Variants in ARHGAP42 observed in about 807,000 individuals in gnomAD.
The protein encoded by ARHGAP42 is rho GTPase-activating protein 42.
ARHGAP42 carries 63 observed loss-of-function variants against 125.0 expected under a neutral mutation model. The ratio of observed to expected loss-of-function variants is 0.50; its 90% CI spans 0.41 to 0.62. ARHGAP42 has a LOEUF of 0.62. ARHGAP42 is among the 20% of genes least tolerant of loss of function. The probability of loss-of-function intolerance (pLI) is 0.00; values close to 1 mark genes in which losing one functional copy is unlikely to be tolerated. For synonymous variants in ARHGAP42, 339 were observed against 351.0 expected (o/e 0.97, Z 0.38); for missense variants, 766 against 1,024.2 (o/e 0.75, Z 3.44).
chr11:100,806,860 TA>T (rs986325763), intron 3 of ARHGAP42, among the ~76,000 whole-genome samples: 2 of 151,318 alleles, frequency 1.3e-5, no homozygotes, highest in African/African-American at 4.8e-5. Flanking sequence ...TTTATTTATT[TA>T]TTTTTGGGAC....
intron 2 of ARHGAP42, among the ~76,000 whole-genome samples, chr11:100,784,709 A>G (rs1287188351): frequency 6.6e-6 from 1 of 152,126 alleles, no homozygotes; most frequent in Non-Finnish European, 1.5e-5. Flanking sequence ...AGGTAATTTG[A>G]TGTGTTAAAT....
chr11:100,758,896 A>AT (rs1240300694), intron 1 of ARHGAP42, among the ~76,000 whole-genome samples: 1 of 152,152 alleles, frequency 6.6e-6, no homozygotes, highest in East Asian at 1.9e-4. Context: ...CACTCTTAAT[A>AT]TTTTTTTAAT....
chr11:100,864,396 G>T (rs536460928), intron 4 of ARHGAP42, among the ~76,000 whole-genome samples: 63 of 152,126 alleles, frequency 4.1e-4, no homozygotes, highest in African/African-American at 1.5e-3. Flanking sequence ...TGGCCAGGCT[G>T]GTCTCAAGCT....
intron 2 of ARHGAP42, among the ~76,000 whole-genome samples, chr11:100,772,464 T>G (rs932692869): frequency 6.6e-6 from 1 of 152,168 alleles, no homozygotes; most frequent in Non-Finnish European, 1.5e-5. Context: ...GAGGGTGTAG[T>G]GGCTGGTCTT....
intron 12 of ARHGAP42, among the ~76,000 whole-genome samples, chr11:100,959,644 G>A (rs539959627): frequency 6.6e-6 from 1 of 152,222 alleles, no homozygotes; most frequent in East Asian, 1.9e-4. Flanking sequence ...AAGTGGATGA[G>A]ATCATTGTAA....
chr11:100,930,350 T>G (rs1867541976), intron 6 of ARHGAP42, among the ~76,000 whole-genome samples: 2 of 152,190 alleles, frequency 1.3e-5, no homozygotes, highest in Non-Finnish European at 2.9e-5. Flanking sequence ...TTCAAACCGA[T>G]AAAAACGTTT....
At chr11:100,700,926 C>G (rs931316348) in intron 1 of ARHGAP42, among the ~76,000 whole-genome samples, 12 of 152,154 alleles carry the variant, frequency 7.9e-5, no homozygotes, top group African/African-American at 2.7e-4. Flanking sequence ...TTGCTGAGAT[C>G]CATCAGAGGA....
chr11:100,854,671 C>T (rs1385104995), intron 3 of ARHGAP42, among the ~76,000 whole-genome samples: 5 of 152,068 alleles, frequency 3.3e-5, no homozygotes, highest in Admixed American at 3.3e-4. Context: ...GATTTGCTGA[C>T]CTAGAGAAGA....
chr11:100,756,049 T>TTTAATA (rs1862569345), intron 1 of ARHGAP42, among the ~76,000 whole-genome samples: 2 of 152,022 alleles, frequency 1.3e-5, no homozygotes, highest in South Asian at 4.2e-4. Flanking sequence ...GTTTCACAGT[T>TTTAATA]TTAATATTTT....
intron 11 of ARHGAP42, among the ~76,000 whole-genome samples, chr11:100,948,989 C>T (rs796225505): frequency 9.2e-5 from 14 of 152,178 alleles, no homozygotes; most frequent in African/African-American, 3.1e-4. Context: ...TTTTCACTTC[C>T]ATACATATCC....
At chr11:100,846,009 A>G (rs181489193) in intron 3 of ARHGAP42, among the ~76,000 whole-genome samples, 299 of 152,288 alleles carry the variant, frequency 2.0e-3, no homozygotes, top group African/African-American at 6.8e-3. Context: ...TAGCATGCCT[A>G]TTCTCCCTGC....
At chr11:100,792,371 A>G (rs1307353027) in intron 2 of ARHGAP42, among the ~76,000 whole-genome samples, 2 of 152,218 alleles carry the variant, frequency 1.3e-5, no homozygotes, top group African/African-American at 2.4e-5. Context: ...GTTAGGATTA[A>G]TGAAAACTAG....
intron 5 of ARHGAP42, among the ~76,000 whole-genome samples, chr11:100,920,314 G>T (rs1469292896): frequency 6.6e-6 from 1 of 152,096 alleles, no homozygotes; most frequent in Non-Finnish European, 1.5e-5. Context: ...CAACATGGGG[G>T]TTAGGTGCAC....
At chr11:100,691,450 C>T (rs1275324071) in intron 1 of ARHGAP42, among the ~76,000 whole-genome samples, 1 of 152,038 alleles carries the variant, frequency 6.6e-6, no homozygotes, top group Non-Finnish European at 1.5e-5. Context: ...TAATAATACA[C>T]AGACCCCAAA....
intron 19 of ARHGAP42, 149 bp downstream of exon 19, chr11:100,974,752 C>T: frequency 1.1e-6 from 1 of 946,928 alleles, no homozygotes; most frequent in Non-Finnish European, 1.4e-6. Context: ...TATTCTCTGT[C>T]AATAGTTGTA....
chr11:100,837,472 A>T (rs1004956711), intron 3 of ARHGAP42, among the ~76,000 whole-genome samples: 1 of 152,166 alleles, frequency 6.6e-6, no homozygotes, highest in Middle Eastern at 3.4e-3. Flanking sequence ...GTGTAAGTAT[A>T]AAAGTTTTAT....
chr11:100,906,941 C>G (rs1163069518), intron 4 of ARHGAP42, among the ~76,000 whole-genome samples: 1 of 152,206 alleles, frequency 6.6e-6, no homozygotes, highest in Admixed American at 6.5e-5. Context: ...CCACAGGTAA[C>G]AACTTAATGA....
intron 1 of ARHGAP42, among the ~76,000 whole-genome samples, chr11:100,721,055 T>A (rs1306806677): frequency 6.6e-6 from 1 of 152,108 alleles, no homozygotes; most frequent in Non-Finnish European, 1.5e-5. Context: ...TATTAACATC[T>A]CGCATTAGTG....
intron 4 of ARHGAP42, among the ~76,000 whole-genome samples, chr11:100,901,585 G>A (rs1333536282): frequency 2.0e-5 from 3 of 152,258 alleles, no homozygotes; most frequent in Admixed American, 6.5e-5. Flanking sequence ...CGAGCTTGCC[G>A]GCCACTTTGT....
Sources: gnomAD v4.1 joint callset for allele counts (sites outside exome capture counted in the v4.1 genomes callset) on GRCh38, gnomAD v4.1.1 for gene constraint, MANE v1.5 for transcripts, NCBI Gene and HGNC (gene_info 2026-07-23, HGNC 2026-07-21) for gene names.